Variants in ZDHHC15 observed in about 807,000 individuals in gnomAD.
ZDHHC15 encodes the protein zDHHC palmitoyltransferase 15, also known as palmitoyltransferase ZDHHC15.
Under a neutral mutation model 31.7 loss-of-function variants are expected in ZDHHC15, and 19 were observed. The observed-to-expected ratio is 0.60, with a 90% CI of 0.42 to 0.88. ZDHHC15 has a LOEUF of 0.88. Ranked by LOEUF, ZDHHC15 falls within the 40% of genes least tolerant of loss-of-function variation. ZDHHC15 has a pLI of 0.00. For synonymous variants in ZDHHC15, 103 were observed against 90.0 expected (o/e 1.14, Z -0.82); for missense variants, 209 against 251.2 (o/e 0.83, Z 1.14).
In ZDHHC15 at chrX:75,518,798, TATATATATACACACAC is replaced by T. The variant is rs1455193766; in HGVS notation, c.136+4075_136+4090del. Among the ~76,000 whole-genome samples, 159 of 27,247 alleles carry T rather than the reference TATATATATACACACAC, an allele frequency of 5.8e-3. 2 individuals are homozygous for T. Among genetic ancestry groups the T allele is most frequent in the African/African-American group, 0.016 (153 of 9,420 alleles). 23.7% of individuals were successfully genotyped at this position (27,247 alleles called of 115,157 possible). A position where few individuals can be genotyped will look rare whatever the true frequency, so the allele number is the denominator to read the frequency against. ...ATATATATATATATATATATATATA[TATATATATACACACAC>T]ACACACACACACACACACACACACA... On this transcript the variant is annotated intron_variant, in intron 1 of 11. Coordinates refer to ENST00000373367, the MANE Select transcript of ZDHHC15 (RefSeq NM_144969.3).
intron 3 of ZDHHC15, among the ~76,000 whole-genome samples, chrX:75,456,457 C>T (rs1001656435): frequency 5.4e-5 from 6 of 110,500 alleles, no homozygotes; most frequent in African/African-American, 2.0e-4. Flanking sequence ...ACATATGTAA[C>T]AAACCTGCAC....
chrX:75,393,276 CT>C (rs2083265742), intron 10 of ZDHHC15, among the ~76,000 whole-genome samples: 1 of 111,059 alleles, frequency 9.0e-6, no homozygotes, highest in African/African-American at 3.3e-5. Flanking sequence ...GTTGTGTCTC[CT>C]GGTGGCAGTG....
At chrX:75,381,721 G>A (rs1439063890) in intron 10 of ZDHHC15, among the ~76,000 whole-genome samples, 1 of 111,246 alleles carries the variant, frequency 9.0e-6, no homozygotes, top group Non-Finnish European at 1.9e-5. Context: ...TCCACCCTAT[G>A]CTTCAGTGTT....
intron 2 of ZDHHC15, among the ~76,000 whole-genome samples, chrX:75,497,183 A>G (rs886503912): frequency 9.0e-6 from 1 of 111,713 alleles, no homozygotes; most frequent in African/African-American, 3.2e-5. Flanking sequence ...AATACAAAAG[A>G]TCATTGAAGG....
intron 4 of ZDHHC15, among the ~76,000 whole-genome samples, chrX:75,441,110 G>A (rs1408034262): frequency 8.9e-6 from 1 of 112,165 alleles, no homozygotes; most frequent in Non-Finnish European, 1.9e-5. Flanking sequence ...CATGGAGAAA[G>A]CAAGCAGGGC....
chrX:75,440,813 G>A (rs773993069), intron 4 of ZDHHC15, among the ~76,000 whole-genome samples: 1 of 112,171 alleles, frequency 8.9e-6, no homozygotes, highest in East Asian at 2.8e-4. Context: ...GGTTAGGCAT[G>A]TCTGAGCTCA....
At chrX:75,387,250 A>G (rs957965155) in intron 10 of ZDHHC15, among the ~76,000 whole-genome samples, 13 of 112,483 alleles carry the variant, frequency 1.2e-4, no homozygotes, top group African/African-American at 4.2e-4. Context: ...CTAATTCTTC[A>G]ATGCAAAAAC....
chrX:75,462,806 C>T (rs187237572), intron 3 of ZDHHC15, among the ~76,000 whole-genome samples: 3 of 111,086 alleles, frequency 2.7e-5, no homozygotes, highest in Non-Finnish European at 3.8e-5. Context: ...TAAATCCCCA[C>T]ACCAAAAAGC....
At chrX:75,508,136 T>C (rs900195535) in intron 1 of ZDHHC15, among the ~76,000 whole-genome samples, 1 of 111,259 alleles carries the variant, frequency 9.0e-6, no homozygotes, top group Non-Finnish European at 1.9e-5. Context: ...TCAAAATATT[T>C]TCATTTGAAC....
intron 2 of ZDHHC15, among the ~76,000 whole-genome samples, chrX:75,495,515 A>C (rs2084979053): frequency 9.0e-6 from 1 of 111,006 alleles, no homozygotes; most frequent in Admixed American, 9.6e-5. Flanking sequence ...ACAACAGCAA[A>C]GACTTGGAAC....
chrX:75,462,050 A>G (rs1183329177), intron 3 of ZDHHC15, among the ~76,000 whole-genome samples: 1 of 112,075 alleles, frequency 8.9e-6, no homozygotes, highest in Non-Finnish European at 1.9e-5. Flanking sequence ...AAGTGCAAAG[A>G]CACACATAGG....
At chrX:75,443,095 C>T (rs1191235871) in intron 4 of ZDHHC15, among the ~76,000 whole-genome samples, 2 of 110,361 alleles carry the variant, frequency 1.8e-5, no homozygotes, top group Non-Finnish European at 3.8e-5. Context: ...ACTTTCTTCA[C>T]AGAATTGGAA....
chrX:75,375,018 C>A (rs1235593326), intron 11 of ZDHHC15, among the ~76,000 whole-genome samples: 1 of 110,950 alleles, frequency 9.0e-6, no homozygotes, highest in Non-Finnish European at 1.9e-5. Flanking sequence ...CAAAACTCAC[C>A]AGATTGTATA....
At chrX:75,426,628 T>C (rs575326312) in intron 7 of ZDHHC15, among the ~76,000 whole-genome samples, 26 of 111,339 alleles carry the variant, frequency 2.3e-4, no homozygotes, top group Middle Eastern at 4.6e-3. Context: ...TGGCCCAATA[T>C]GTGAGGGATG....
rs1363001791 is a variant in ZDHHC15, at chrX:75,379,175, G to A, written c.991C>T (p.Leu331Phe). ...TGCTATGTTTCCGTTTCCACAGCAA[G>A]AGATGATGAGCCTTCTGGATAATCT... ...NQDYPEGSSS[L>F]AVETET The change falls in exon 11 of 12, where the codon CTT becomes TTT. Residue 331 changes from leucine (L) to phenylalanine (F), a missense_variant. Physicochemically the swap from Leu to Phe is conservative, Grantham distance 22. Coordinates refer to ENST00000373367, the MANE Select transcript of ZDHHC15 (RefSeq NM_144969.3). 8.3e-7 allele frequency: 1 copy of A among 1,211,443 alleles called. No individual in the cohort carries two copies. Among genetic ancestry groups the A allele is most frequent in the South Asian group, 1.8e-5 (1 of 56,963 alleles).
intron 10 of ZDHHC15, among the ~76,000 whole-genome samples, chrX:75,404,575 G>T (rs2083390902): frequency 9.0e-6 from 1 of 111,570 alleles, no homozygotes; most frequent in South Asian, 3.8e-4. Flanking sequence ...AAGGACATGA[G>T]CAGATGCTTC....
At chrX:75,494,851 A>G (rs1371315841) in intron 2 of ZDHHC15, among the ~76,000 whole-genome samples, 1 of 112,085 alleles carries the variant, frequency 8.9e-6, no homozygotes, top group Non-Finnish European at 1.9e-5. Context: ...CCTAGGCAAT[A>G]CCATTCAGGA....
At chrX:75,394,101 G>T (rs1288258277) in intron 10 of ZDHHC15, among the ~76,000 whole-genome samples, 1 of 111,384 alleles carries the variant, frequency 9.0e-6, no homozygotes, top group African/African-American at 3.3e-5. Flanking sequence ...ACACACCAAA[G>T]ATCAATACTT....
chrX:75,476,918 T>G (rs768256106), intron 3 of ZDHHC15, among the ~76,000 whole-genome samples: 1 of 111,259 alleles, frequency 9.0e-6, no homozygotes, highest in Non-Finnish European at 1.9e-5. Context: ...TCCTTCTGAT[T>G]ACTTTGGTTT....
Sources: allele counts gnomAD v4.1 joint callset (sites outside exome capture counted in the v4.1 genomes callset), GRCh38; gene constraint gnomAD v4.1.1; transcripts MANE v1.5; gene names NCBI Gene and HGNC (gene_info 2026-07-23, HGNC 2026-07-21).